PDE1C: variants seen among roughly 807,000 people sequenced by gnomAD.
PDE1C encodes dual specificity calcium/calmodulin-dependent 3',5'-cyclic nucleotide phosphodiesterase 1C.
In PDE1C, 62 loss-of-function variants were observed where a neutral mutation model predicts 93.1. The ratio of observed to expected loss-of-function variants is 0.67; its 90% CI spans 0.54 to 0.82. The LOEUF is 0.82. PDE1C is among the 40% of genes least tolerant of loss of function. The probability of loss-of-function intolerance (pLI) is 0.00; values close to 1 mark genes in which losing one functional copy is unlikely to be tolerated. For missense variants in PDE1C, 742 were observed against 884.6 expected, an observed-to-expected ratio of 0.84 and a Z score of 2.04; for synonymous variants, 325 against 310.1, an observed-to-expected ratio of 1.05 and a Z score of -0.50.
In PDE1C at chr7:32,291,837, A is replaced by T. The variant is rs115083187; in HGVS notation, c.85+6814T>A. Among the ~76,000 whole-genome samples, 878 of 152,298 alleles carry T rather than the reference A, an allele frequency of 5.8e-3. 10 individuals carry two copies. The highest frequency in any genetic ancestry group is 0.02 in the African/African-American group (827 of 41,554). On this transcript the variant is annotated intron_variant, in intron 1 of 18. Coordinates refer to the PDE1C transcript ENST00000396193. The stretch of plus-strand genomic sequence containing the variant: ...CTTCCGGGAGGGGCAGGAATCGCAG[A>T]GATTTCCTTACTTAACCAGTTTGTT...
chr7:31,770,309 G>A (rs980537043), intron 17 of PDE1C, among the ~76,000 whole-genome samples: 6 of 152,108 alleles, frequency 3.9e-5, no homozygotes, highest in Non-Finnish European at 8.8e-5. Flanking sequence ...ATCCTCATCA[G>A]ATATGTGATT....
At chr7:32,328,034 A>G (rs1344907290) in intron 1 of PDE1C, among the ~76,000 whole-genome samples, 1 of 152,174 alleles carries the variant, frequency 6.6e-6, no homozygotes, top group African/African-American at 2.4e-5. Flanking sequence ...CTTGGTGCAC[A>G]TATGTAGGCA....
Position 31,865,012 on chromosome 7 carries a change from T to A in PDE1C, c.680A>T (p.Tyr227Phe). 6.2e-7 allele frequency: 1 copy of A among 1,614,086 alleles called. No individual in the cohort carries two copies. Among genetic ancestry groups the A allele is most frequent in the Non-Finnish European group, 8.5e-7 (1 of 1,179,962 alleles). Residue 227 changes from tyrosine to phenylalanine, a missense_variant, in exon 7 of 18, where the codon TAC (tyrosine) becomes TTC (phenylalanine). Around this residue, in one of 4 missense-constraint regions of PDE1C, gnomAD observed 205 missense variants for 295.3 expected, o/e 0.69. Transcript: ENST00000396191. ...EVGYSKHKNP[Y>F]HNLMHAADVT... ...ATCGGCAGCGTGCATTAAGTTATGG[T>A]AAGGATTTTTGTGCTTGCTGTATCC...
At chr7:32,378,922 C>A (rs1364202009) in intron 1 of PDE1C, among the ~76,000 whole-genome samples, 1 of 152,222 alleles carries the variant, frequency 6.6e-6, no homozygotes, top group African/African-American at 2.4e-5. Context: ...ATGCTGTGGT[C>A]TTTTTTGGTG....
chr7:32,046,214 A>T (rs30578), intron 2 of PDE1C, among the ~76,000 whole-genome samples: 42,581 of 122,424 alleles, frequency 0.35, 6,336 homozygotes, highest in East Asian at 0.53. Flanking sequence ...CCTTTTTTTT[A>T]AAAAAAAAAA....
chr7:32,378,597 T>C (rs1784474091), intron 1 of PDE1C, among the ~76,000 whole-genome samples: 1 of 152,212 alleles, frequency 6.6e-6, no homozygotes, highest in Non-Finnish European at 1.5e-5. Flanking sequence ...AATATCACTA[T>C]TGTAGAACCT....
chr7:32,385,012 A>G (rs1784597608), intron 1 of PDE1C, among the ~76,000 whole-genome samples: 1 of 152,206 alleles, frequency 6.6e-6, no homozygotes, highest in Non-Finnish European at 1.5e-5. Flanking sequence ...TGGATAAGTG[A>G]TGATGAGGAA....
chr7:32,035,370 G>T (rs1449347740), intron 2 of PDE1C, among the ~76,000 whole-genome samples: 1 of 152,138 alleles, frequency 6.6e-6, no homozygotes, highest in Non-Finnish European at 1.5e-5. Flanking sequence ...CTGTAAGAGA[G>T]AGTGCTCCTG....
intron 2 of PDE1C, among the ~76,000 whole-genome samples, chr7:32,041,354 C>CA (rs1563236737): frequency 6.6e-6 from 1 of 152,174 alleles, no homozygotes; most frequent in African/African-American, 2.4e-5. Context: ...GCAAAGACTA[C>CA]AGACACACCC....
chr7:32,306,603 G>C (rs981018011), intron 1 of PDE1C, among the ~76,000 whole-genome samples: 3 of 152,170 alleles, frequency 2.0e-5, no homozygotes, highest in Non-Finnish European at 4.4e-5. Context: ...AGGAGCCAAA[G>C]AGATCTTTTT....
At chr7:31,796,991 A>G (rs2128677883) in intron 16 of PDE1C, among the ~76,000 whole-genome samples, 1 of 151,824 alleles carries the variant, frequency 6.6e-6, no homozygotes, top group East Asian at 1.9e-4. Flanking sequence ...TTGGGCAGGG[A>G]CATTGGAGTG....
chr7:32,364,098 T>C (rs992536509), intron 1 of PDE1C, among the ~76,000 whole-genome samples: 1 of 152,188 alleles, frequency 6.6e-6, no homozygotes, highest in African/African-American at 2.4e-5. Flanking sequence ...CCACCCACTA[T>C]TATGAAAAGT....
chr7:32,330,452 G>A (rs1445696004), intron 1 of PDE1C, among the ~76,000 whole-genome samples: 6 of 152,208 alleles, frequency 3.9e-5, no homozygotes, highest in Non-Finnish European at 8.8e-5. Context: ...AAAGGAGACT[G>A]GGGAAAACAT....
At chr7:32,188,576 C>T (rs1804032119) in intron 2 of PDE1C, among the ~76,000 whole-genome samples, 1 of 152,016 alleles carries the variant, frequency 6.6e-6, no homozygotes, top group African/African-American at 2.4e-5. Context: ...ACTCTAAAAA[C>T]ACCTGTTTCT....
At chr7:31,830,894 C>T (rs1790298988) in intron 11 of PDE1C, among the ~76,000 whole-genome samples, 1 of 152,152 alleles carries the variant, frequency 6.6e-6, no homozygotes, top group Admixed American at 6.5e-5. Context: ...AATCAAGAAA[C>T]ATGAGTCCTA....
intron 17 of PDE1C, among the ~76,000 whole-genome samples, chr7:31,754,957 A>G (rs1794361305): frequency 6.6e-6 from 1 of 152,218 alleles, no homozygotes; most frequent in Non-Finnish European, 1.5e-5. Flanking sequence ...GACAATGTAA[A>G]TGCATTGCCA....
chr7:31,936,083 T>G (rs1805017508), intron 2 of PDE1C, among the ~76,000 whole-genome samples: 1 of 152,230 alleles, frequency 6.6e-6, no homozygotes, highest in African/African-American at 2.4e-5. Flanking sequence ...AGTGACCATA[T>G]TCTGCAATCC....
chr7:32,119,384 C>T (rs1799163349), intron 3 of PDE1C, among the ~76,000 whole-genome samples: 2 of 152,306 alleles, frequency 1.3e-5, no homozygotes, highest in South Asian at 4.1e-4. Context: ...AGGAAAGCAA[C>T]AGCTTCATGG....
At chr7:31,766,461 C>A (rs886068724) in intron 17 of PDE1C, among the ~76,000 whole-genome samples, 11 of 152,150 alleles carry the variant, frequency 7.2e-5, no homozygotes, top group Admixed American at 7.2e-4. Flanking sequence ...AATACCCATA[C>A]TCTCAATAAA....
Sources: gnomAD v4.1 joint callset for allele counts (sites outside exome capture counted in the v4.1 genomes callset) on GRCh38, gnomAD v4.1.1 for gene constraint, gnomAD v4.1.1 regional missense constraint, MANE v1.5 for transcripts, NCBI Gene and HGNC (gene_info 2026-07-23, HGNC 2026-07-21) for gene names.